SHB: variants seen among roughly 807,000 people sequenced by gnomAD.
SHB encodes SH2 domain containing adaptor protein B, also known as SH2 domain-containing adapter protein B.
SHB carries 20 observed loss-of-function variants against 52.3 expected under a neutral mutation model. The ratio of observed to expected loss-of-function variants is 0.38; its 90% CI spans 0.27 to 0.56. The LOEUF is 0.56. Ranked by LOEUF, SHB falls within the 20% of genes least tolerant of loss-of-function variation. SHB has a pLI of 0.71. For missense variants in SHB, 825 were observed against 723.3 expected, an observed-to-expected ratio of 1.14 and a Z score of -1.61; for synonymous variants, 397 against 316.5, an observed-to-expected ratio of 1.25 and a Z score of -2.70.
intron 1 of SHB, among the ~76,000 whole-genome samples, chr9:38,060,592 T>G (rs1821880082): frequency 6.6e-6 from 1 of 151,968 alleles, no homozygotes; most frequent in African/African-American, 2.4e-5. Context: ...TAGTGAGGAG[T>G]AAAGTTACAT....
intron 2 of SHB, among the ~76,000 whole-genome samples, chr9:38,004,736 G>A (rs1242939179): frequency 6.6e-6 from 1 of 152,188 alleles, no homozygotes; most frequent in Non-Finnish European, 1.5e-5. Flanking sequence ...GGGGGCACGG[G>A]CACATGAGTG....
At position 38,067,996 on chromosome 9, in the gene SHB, C is replaced by T; in HGVS notation, c.650G>A (p.Gly217Asp). Reference sequence around the variant, plus strand: ...GGCGCACTTGTTGAGCAGTTTCTTGCCTCCGCAGGCCGTCGGGCTCCAGGT... The same window carrying T: ...GGCGCACTTGTTGAGCAGTTTCTTGTCTCCGCAGGCCGTCGGGCTCCAGGT... ...GRTWSPTACG[G>D]KKLLNKCAAS... Residue 217 changes from glycine (G) to aspartate (D), a missense_variant, in exon 1 of 6, where the codon GGC (glycine) becomes GAC (aspartate). Physicochemically the swap from Gly to Asp is moderately conservative, Grantham distance 94. Coordinates refer to ENST00000377707, the MANE Select transcript of SHB (RefSeq NM_003028.3). 2.0e-6 allele frequency: 3 copies of T among 1,535,534 alleles called. No homozygotes were observed. The highest frequency in any genetic ancestry group is 1.7e-6 in the Non-Finnish European group (2 of 1,150,456).
chr9:38,059,862 C>T (rs1328779087), intron 1 of SHB, among the ~76,000 whole-genome samples: 2 of 152,190 alleles, frequency 1.3e-5, no homozygotes, highest in Admixed American at 1.3e-4. Flanking sequence ...GCCTCTGTTT[C>T]TCCATCTGCA....
At chr9:37,974,556 G>T in intron 3 of SHB, 66 bp downstream of exon 3, 1 of 1,394,338 alleles carries the variant, frequency 7.2e-7, no homozygotes, top group Non-Finnish European at 9.9e-7. Context: ...GAGCGCAGGT[G>T]GGGACCAAGG....
rs1820584946 is a variant in SHB, at chr9:37,971,000, C to G, written c.1054+3622G>C. ...AGGAGAGGGTAATGATTTTGGCCAG[C>G]CAACTCCACCCCATACAGCTCTTCC... On this transcript the variant is annotated intron_variant, in intron 3 of 5. Transcript: ENST00000377707. Among the ~76,000 whole-genome samples the G allele has an allele frequency of 2.6e-5, 4 of 152,110 alleles. No homozygotes were observed. The South Asian group carries it at 8.3e-4, about 32-fold the overall frequency.
chr9:37,959,803 C>T (rs1256314144), intron 3 of SHB, among the ~76,000 whole-genome samples: 1 of 151,672 alleles, frequency 6.6e-6, no homozygotes, highest in Non-Finnish European at 1.5e-5. Flanking sequence ...TCACCTCTCC[C>T]AAGACTCACC....
intron 1 of SHB, among the ~76,000 whole-genome samples, chr9:38,022,765 G>C (rs1023784133): frequency 6.6e-6 from 1 of 152,188 alleles, no homozygotes; most frequent in Non-Finnish European, 1.5e-5. Flanking sequence ...TCAGAGAAGC[G>C]GTAGTGGACA....
At chr9:38,038,690 A>G (rs1260944226) in intron 1 of SHB, among the ~76,000 whole-genome samples, 1 of 152,174 alleles carries the variant, frequency 6.6e-6, no homozygotes, top group East Asian at 1.9e-4. Flanking sequence ...CCCAGGACAC[A>G]GGGATGCAGC....
intron 5 of SHB, among the ~76,000 whole-genome samples, chr9:37,941,522 G>T (rs551665760): frequency 2.0e-5 from 3 of 152,290 alleles, no homozygotes; most frequent in African/African-American, 7.2e-5. Flanking sequence ...GGGAGTCATG[G>T]GGCACATGGC....
At chr9:38,013,021 C>T (rs947458591) in intron 2 of SHB, among the ~76,000 whole-genome samples, 2 of 151,808 alleles carry the variant, frequency 1.3e-5, no homozygotes, top group Admixed American at 6.6e-5. Flanking sequence ...TGCAGCCCTG[C>T]CATCAATCAC....
At chr9:38,058,575 A>G (rs1202516078) in intron 1 of SHB, among the ~76,000 whole-genome samples, 1 of 152,126 alleles carries the variant, frequency 6.6e-6, no homozygotes, top group Non-Finnish European at 1.5e-5. Flanking sequence ...AACCCAAGTC[A>G]GATGCGTGGC....
intron 3 of SHB, among the ~76,000 whole-genome samples, chr9:37,974,214 T>A (rs936815890): frequency 6.6e-6 from 1 of 152,042 alleles, no homozygotes; most frequent in Non-Finnish European, 1.5e-5. Flanking sequence ...CGAGATCGCA[T>A]CACTGCACTC....
chr9:37,938,257 T>G (rs1477665328), intron 5 of SHB, among the ~76,000 whole-genome samples: 1 of 152,166 alleles, frequency 6.6e-6, no homozygotes, highest in Non-Finnish European at 1.5e-5. Context: ...ACCTCCTGGC[T>G]GGTAGGAATG....
At chr9:37,930,007 T>C (rs930170464) in intron 5 of SHB, among the ~76,000 whole-genome samples, 83 of 151,928 alleles carry the variant, frequency 5.5e-4, no homozygotes, top group African/African-American at 2.0e-3. Flanking sequence ...GAGGCTGAGG[T>C]GGGAGGATTG....
chr9:38,057,595 C>T (rs909302364), intron 1 of SHB, among the ~76,000 whole-genome samples: 1 of 152,236 alleles, frequency 6.6e-6, no homozygotes, highest in Non-Finnish European at 1.5e-5. Flanking sequence ...TGCCATTCCG[C>T]AAATGCCATG....
intron 2 of SHB, among the ~76,000 whole-genome samples, chr9:37,982,980 C>CCCT (rs1000567011): frequency 2.7e-5 from 4 of 150,008 alleles, no homozygotes; most frequent in South Asian, 2.1e-4. Flanking sequence ...GGTGCCCCCC[C>CCCT]CTCCATCTTT....
intron 5 of SHB, among the ~76,000 whole-genome samples, chr9:37,938,523 C>G (rs1832400741): frequency 6.6e-6 from 1 of 152,190 alleles, no homozygotes; most frequent in Non-Finnish European, 1.5e-5. Context: ...GAGAGACCAC[C>G]CAATGCCTCA....
intron 4 of SHB, among the ~76,000 whole-genome samples, chr9:37,954,310 A>C (rs1437305685): frequency 6.6e-6 from 1 of 152,184 alleles, no homozygotes; most frequent in Non-Finnish European, 1.5e-5. Context: ...ATTTCCTGTG[A>C]GGGTATGCCC....
intron 5 of SHB, among the ~76,000 whole-genome samples, chr9:37,924,433 C>A (rs1215494611): frequency 6.6e-6 from 1 of 152,184 alleles, no homozygotes; most frequent in African/African-American, 2.4e-5. Flanking sequence ...TAAATCGCTT[C>A]TTTTCATGAT....
Sources: gnomAD v4.1 joint callset for allele counts (sites outside exome capture counted in the v4.1 genomes callset) on GRCh38, gnomAD v4.1.1 for gene constraint, MANE v1.5 for transcripts, NCBI Gene and HGNC (gene_info 2026-07-23, HGNC 2026-07-21) for gene names.